The following PYROXD1 variants were observed in gnomAD, a reference collection of about 807,000 sequenced individuals.
The protein encoded by PYROXD1 is pyridine nucleotide-disulphide oxidoreductase domain 1.
PYROXD1 carries 42 observed loss-of-function variants against 62.0 expected under a neutral mutation model. The observed-to-expected ratio is 0.68, with a 90% CI of 0.53 to 0.88. The LOEUF (loss-of-function observed/expected upper bound fraction) is 0.88. PYROXD1 is among the 40% of genes least tolerant of loss of function. The pLI is 0.00. For missense variants in PYROXD1, 493 were observed against 604.8 expected (o/e 0.82, Z 1.94); for synonymous variants, 170 against 206.4 (o/e 0.82, Z 1.51).
chr12:21,465,305 A>G (rs1565555598), intron 10 of PYROXD1, among the ~76,000 whole-genome samples: 1 of 152,056 alleles, frequency 6.6e-6, no homozygotes, highest in Non-Finnish European at 1.5e-5. Flanking sequence ...AAGTGTTCCT[A>G]TTTCTCCACA....
At chr12:21,455,889 T>C in intron 6 of PYROXD1, 106 bp from the exon 7 acceptor site, 2 of 671,366 alleles carry the variant, frequency 3.0e-6, no homozygotes, top group South Asian at 3.5e-5. Flanking sequence ...CATGCTGTAA[T>C]GTATGTATAT....
intron 4 of PYROXD1, among the ~76,000 whole-genome samples, chr12:21,449,921 A>G (rs569531633): frequency 6.7e-6 from 1 of 149,886 alleles, no homozygotes; most frequent in East Asian, 2.0e-4. Flanking sequence ...GCAGTGGCGC[A>G]GTCTCGGCTC....
Position 21,468,737 on chromosome 12 carries a change from G to C in PYROXD1, c.1486G>C (p.Glu496Gln), listed in dbSNP as rs1461236392. The change falls in exon 12 of 12, where the codon GAA (glutamate) becomes CAA (glutamine). Residue 496 changes from glutamate to glutamine, a missense_variant. Transcript: ENST00000240651. ...EDLLDPNIDIEDYFD is the reference protein window; with the variant it reads ...EDLLDPNIDIQDYFD The stretch of plus-strand genomic sequence containing the variant: ...TCTGCTAGATCCAAATATTGATATA[G>C]AAGATTATTTTGACTAAAAATGGAA... 1 of 1,606,398 alleles carries C rather than the reference G, an allele frequency of 6.2e-7. No individual in the cohort carries two copies. Among genetic ancestry groups the C allele is most frequent in the Non-Finnish European group, 8.5e-7 (1 of 1,175,180 alleles).
chr12:21,469,976 A>G lies in PYROXD1; in HGVS notation c.*1222A>G, dbSNP rs184438416. ...TACATTTAAAGGGTTTTACATAAAA[A>G]TTTTTCCCTTGTTTTATACTGGAAA... On this transcript the variant is annotated 3_prime_UTR_variant, in exon 12 of 12. Transcript: ENST00000240651. The G allele has an allele frequency of 2.5e-4, 132 of 534,386 alleles. No individual in the cohort carries two copies. Among genetic ancestry groups the G allele is most frequent in the African/African-American group, 2.4e-3 (123 of 50,208 alleles). 33.1% of individuals were successfully genotyped at this position (534,386 alleles called of 1,614,324 possible).
chr12:21,463,657 A>G (rs1942739356), intron 10 of PYROXD1, among the ~76,000 whole-genome samples: 1 of 148,834 alleles, frequency 6.7e-6, no homozygotes, highest in African/African-American at 2.5e-5. Context: ...GCACCACTGC[A>G]CCCCAGCCTG....
In PYROXD1 at chr12:21,471,173, T is replaced by C. The variant is rs1942949146; in HGVS notation, c.*2419T>C. On this transcript the variant is annotated 3_prime_UTR_variant, in exon 12 of 12. Transcript: ENST00000240651. ...AAAACAAATTTATAAAAGAAATAAC[T>C]ATATGCGCAGTAATTCTTAACACAT... 2 of 1,368,854 alleles carry C rather than the reference T, an allele frequency of 1.5e-6. No individual in the cohort carries two copies. Among genetic ancestry groups the C allele is most frequent in the African/African-American group, 3.0e-5 (2 of 66,832 alleles). 84.8% of individuals were successfully genotyped at this position (1,368,854 alleles called of 1,614,324 possible).
At chr12:21,442,153 T>C (rs1942307338) in intron 2 of PYROXD1, among the ~76,000 whole-genome samples, 1 of 152,228 alleles carries the variant, frequency 6.6e-6, no homozygotes, top group African/African-American at 2.4e-5. Context: ...GCACTGAGTC[T>C]GCCTTCTGGG....
intron 7 of PYROXD1, among the ~76,000 whole-genome samples, chr12:21,456,619 G>T (rs542109847): frequency 6.6e-6 from 1 of 152,124 alleles, no homozygotes; most frequent in African/African-American, 2.4e-5. Flanking sequence ...TTTTGCCTCG[G>T]TATTGGTGGC....
chr12:21,439,299 G>C (rs527490210), intron 1 of PYROXD1, among the ~76,000 whole-genome samples: 2 of 152,146 alleles, frequency 1.3e-5, no homozygotes, highest in Non-Finnish European at 2.9e-5. Context: ...TGGTTTATAC[G>C]TGAAACTGGA....
chr12:21,448,158 A>G (rs1373113922), intron 3 of PYROXD1: 2 of 676,758 alleles, frequency 3.0e-6, no homozygotes, highest in Non-Finnish European at 5.6e-6. Flanking sequence ...ATCAGATGAT[A>G]TCAATTTCAC....
intron 9 of PYROXD1, among the ~76,000 whole-genome samples, chr12:21,462,351 T>C (rs921647094): frequency 3.9e-5 from 6 of 152,178 alleles, no homozygotes; most frequent in African/African-American, 1.4e-4. Flanking sequence ...TAATGTACAA[T>C]TTATTTATCT....
At chr12:21,444,948 G>A (rs1246449022) in intron 2 of PYROXD1, among the ~76,000 whole-genome samples, 3 of 152,214 alleles carry the variant, frequency 2.0e-5, no homozygotes, top group Non-Finnish European at 4.4e-5. Flanking sequence ...CTAGAATACT[G>A]ATGGTTTTAT....
In PYROXD1 at chr12:21,456,067, A is replaced by G; in HGVS notation, c.722A>G (p.Glu241Gly). Residue 241 changes from glutamate to glycine, a missense_variant, in exon 7 of 12, where the codon GAA (glutamate) becomes GGA (glycine). Glu to Gly is a moderately conservative substitution (Grantham distance 98). Transcript: ENST00000240651. Reference protein sequence around the residue: ...VGSALGPDWHEGLNLKGTKEF... With the variant: ...VGSALGPDWHGGLNLKGTKEF... ...AGTGCATTGGGACCAGATTGGCATG[A>G]AGGCTTGAATCTTAAAGGAACAAAA... The G allele has an allele frequency of 1.9e-6, 3 of 1,609,872 alleles. No homozygotes were observed. Among genetic ancestry groups the G allele is most frequent in the Non-Finnish European group, 2.5e-6 (3 of 1,177,232 alleles).
intron 5 of PYROXD1, among the ~76,000 whole-genome samples, chr12:21,454,574 C>A (rs1178144663): frequency 6.6e-6 from 1 of 151,898 alleles, no homozygotes; most frequent in African/African-American, 2.4e-5. Context: ...CTTATATATA[C>A]CATTTTCATT....
intron 1 of PYROXD1, among the ~76,000 whole-genome samples, 175 bp from the exon 2 acceptor site, chr12:21,440,190 ATTC>A (rs1942267247): frequency 4.6e-5 from 7 of 152,314 alleles, no homozygotes; most frequent in African/African-American, 1.7e-4. Flanking sequence ...GTTTAATATT[ATTC>A]ACCATTGCCC....
In PYROXD1 at chr12:21,470,217, T is replaced by C. The variant is rs757464610; in HGVS notation, c.*1463T>C. On this transcript the variant is annotated 3_prime_UTR_variant, in exon 12 of 12. Transcript: ENST00000240651. ...TATCAGGCATCATCGATTTTTCTTT[T>C]CTTAGCTCCTGTATTCTTAGAACCA... The C allele has an allele frequency of 6.2e-7, 1 of 1,611,020 alleles. No individual in the cohort carries two copies. Among genetic ancestry groups the C allele is most frequent in the Non-Finnish European group, 8.5e-7 (1 of 1,178,474 alleles).
At position 21,461,049 on chromosome 12, in the gene PYROXD1, A is replaced by T; in HGVS notation, c.775A>T (p.Thr259Ser). The T allele has an allele frequency of 6.4e-7, 1 of 1,552,666 alleles. No homozygotes were observed. The highest frequency in any genetic ancestry group is 8.7e-7 in the Non-Finnish European group (1 of 1,145,040). Residue 259 changes from threonine to serine, a missense_variant, in exon 8 of 12, where the codon ACT becomes TCT. By Grantham distance (58) the Thr-to-Ser change is moderately conservative. Transcript: ENST00000240651. ...KEFSHKIHLE[T>S]MCEVKKIYLQ... ...GTTTTCTCATAAGATTCACCTTGAA[A>T]CTATGTGTGAAGTAAAGAAAATCTA...
At position 21,452,356 on chromosome 12, in the gene PYROXD1, G is replaced by A. The variant is rs914768868; in HGVS notation, c.488+202G>A. 5.9e-5 allele frequency among the ~76,000 whole-genome samples: 9 copies of A among 152,058 alleles called. No homozygotes were observed. The Middle Eastern group carries it at 0.01, about 172-fold the overall frequency. Reference sequence around the variant, plus strand: ...TATTTTTTTAGCTCTTGTGGAATCCGTAATTGTAGAAATTTTATTATAAAA... The same window carrying A: ...TATTTTTTTAGCTCTTGTGGAATCCATAATTGTAGAAATTTTATTATAAAA... On this transcript the variant is annotated intron_variant, in intron 5 of 11. Transcript: ENST00000240651.
In PYROXD1 at chr12:21,461,992, T is replaced by G. The variant is rs750641747; in HGVS notation, c.881-16T>G. 5.5e-5 allele frequency: 86 copies of G among 1,559,332 alleles called. 1 individual carries two copies. The highest frequency in any genetic ancestry group is 1.2e-4 in the South Asian group (11 of 88,438). On this transcript the variant is annotated splice_polypyrimidine_tract_variant and intron_variant, in intron 8 of 11. Coordinates refer to ENST00000240651, the MANE Select transcript of PYROXD1 (RefSeq NM_024854.5). Reference sequence around the variant, plus strand: ...TTACAAATAAAGTCTGTTTTTTTGGTTTTTTTTTCTTAAAGAGATGTGGCC... The same window carrying G: ...TTACAAATAAAGTCTGTTTTTTTGGGTTTTTTTTCTTAAAGAGATGTGGCC...
Sources: allele counts gnomAD v4.1 joint callset (sites outside exome capture counted in the v4.1 genomes callset), GRCh38; gene constraint gnomAD v4.1.1; transcripts MANE v1.5; gene names NCBI Gene and HGNC (gene_info 2026-07-23, HGNC 2026-07-21).